Variants in WNK2 observed in about 807,000 individuals in gnomAD.
WNK2 encodes WNK lysine deficient protein kinase 2.
WNK2 carries 67 observed loss-of-function variants against 192.1 expected under a neutral mutation model. The observed-to-expected ratio is 0.35, with a 90% confidence interval of 0.29 to 0.43. The LOEUF (loss-of-function observed/expected upper bound fraction) is 0.43. Among genes scored for constraint, WNK2 ranks in the 20% least tolerant of loss-of-function variants. The probability of loss-of-function intolerance (pLI) is 1.00; values close to 1 mark genes in which losing one functional copy is unlikely to be tolerated. For missense variants in WNK2, 2,698 were observed against 3,089.7 expected (o/e 0.87, Z 3.01); for synonymous variants, 1,439 against 1,393.9 (o/e 1.03, Z -0.72).
rs1241980722 is a variant in WNK2, at chr9:93,184,260, G to T, written c.-128G>T. The stretch of plus-strand genomic sequence containing the variant: ...AGAGCAGCGCGCAGGAGCTGGAGCG[G>T]CGCCACGGCCCCCACCCCAGCGCGG... On this transcript the variant is annotated 5_prime_UTR_variant, in exon 1 of 30. Transcript: ENST00000427277. 6.6e-6 allele frequency among the ~76,000 whole-genome samples: 1 copy of T among 150,952 alleles called. No individual in the cohort carries two copies. Among genetic ancestry groups the T allele is most frequent in the African/African-American group, 2.4e-5 (1 of 41,298 alleles).
At chr9:93,307,024 C>T (rs933352563) in intron 27 of WNK2, 8 of 639,458 alleles carry the variant, frequency 1.3e-5, no homozygotes, top group East Asian at 5.4e-5. Flanking sequence ...TGTCTCGTGG[C>T]GCCTAGAGTT....
At chr9:93,283,448 T>C (rs1848017684) in intron 19 of WNK2, among the ~76,000 whole-genome samples, 1 of 152,088 alleles carries the variant, frequency 6.6e-6, no homozygotes, top group African/African-American at 2.4e-5. Context: ...TAATCAATAT[T>C]AGGGATGAAA....
At chr9:93,214,167 T>G (rs1835276065) in intron 2 of WNK2, among the ~76,000 whole-genome samples, 1 of 152,198 alleles carries the variant, frequency 6.6e-6, no homozygotes. Flanking sequence ...TTCCATTTAG[T>G]ACCCATTTGC....
chr9:93,203,415 TGAAA>T (rs1832826410), intron 2 of WNK2, among the ~76,000 whole-genome samples: 1 of 151,924 alleles, frequency 6.6e-6, no homozygotes, highest in African/African-American at 2.4e-5. Flanking sequence ...AGATTTTCAC[TGAAA>T]GAAAGAAAAA....
Position 93,230,915 on chromosome 9 carries a change from G to A in WNK2, c.882G>A (p.Lys294=), listed in dbSNP as rs1838693454. The A allele has an allele frequency of 6.2e-7, 1 of 1,613,624 alleles. No individual in the cohort carries two copies. The highest frequency in any genetic ancestry group is 8.5e-7 in the Non-Finnish European group (1 of 1,179,872). The change falls in exon 4 of 30, where the codon AAG becomes AAA. Residue 294 remains lysine, a synonymous_variant. Coordinates refer to ENST00000427277, the MANE Select transcript of WNK2 (RefSeq NM_006648.4). The stretch of plus-strand genomic sequence containing the variant: ...ACCTGAAGCGGTTCAAGGTGATGAA[G>A]CCCAAGGTTCTCCGCAGCTGGTGCC... ...KTYLKRFKVM[K]PKVLRSWCRQ...
intron 2 of WNK2, among the ~76,000 whole-genome samples, chr9:93,193,733 T>C (rs1241433282): frequency 1.3e-5 from 2 of 152,242 alleles, no homozygotes; most frequent in African/African-American, 2.4e-5. Flanking sequence ...GTTTTCCTGC[T>C]TCTGAGAGTT....
rs1250559226 is a variant in WNK2 at position 93,185,091 on chromosome 9, G to A, written c.162G>A (p.Pro54=). 3.0e-6 allele frequency: 4 copies of A among 1,314,412 alleles called. No homozygotes were observed. The highest frequency in any genetic ancestry group is 3.2e-5 in the Admixed American group (1 of 31,060). 81.4% of individuals were successfully genotyped at this position (1,314,412 alleles called of 1,614,324 possible). A position where few individuals can be genotyped will look rare whatever the true frequency, so the allele number is the denominator to read the frequency against. Residue 54 remains proline, a synonymous_variant, in exon 2 of 30, where the codon CCG becomes CCA. Coordinates refer to ENST00000427277, the MANE Select transcript of WNK2 (RefSeq NM_006648.4). ...RSVVESDQEE[P]PGLEAAEAPG... ...TGGTAGAGTCGGACCAGGAGGAGCC[G>A]CCGGGCTTGGAGGCAGCCGAGGCGC...
chr9:93,211,736 C>T (rs1563999835), intron 2 of WNK2, among the ~76,000 whole-genome samples: 1 of 152,122 alleles, frequency 6.6e-6, no homozygotes, highest in Non-Finnish European at 1.5e-5. Flanking sequence ...CTTACTCATC[C>T]AGTCACTCAT....
chr9:93,234,571 G>C (rs1482673111), intron 4 of WNK2, among the ~76,000 whole-genome samples: 1 of 152,226 alleles, frequency 6.6e-6, no homozygotes, highest in African/African-American at 2.4e-5. Flanking sequence ...TCTGTCACCT[G>C]ATTTCTAACC....
intron 28 of WNK2, 25 bp downstream of exon 28, chr9:93,308,609 G>T: frequency 3.7e-6 from 2 of 533,694 alleles, no homozygotes; most frequent in South Asian, 1.6e-5. Context: ...GGTGGGGCGG[G>T]TGCTCCTGGG....
intron 2 of WNK2, among the ~76,000 whole-genome samples, chr9:93,218,096 C>T (rs1341489204): frequency 6.6e-6 from 1 of 152,142 alleles, no homozygotes; most frequent in Non-Finnish European, 1.5e-5. Context: ...AGACCCTCAC[C>T]CACTGCCACC....
Position 93,292,923 on chromosome 9 carries a change from G to T in WNK2, c.5458G>T (p.Val1820Leu), listed in dbSNP as rs760690108. 1.3e-6 allele frequency: 2 copies of T among 1,528,482 alleles called. No individual in the cohort carries two copies. The highest frequency in any genetic ancestry group is 2.5e-5 in the South Asian group (2 of 79,468). 94.7% of individuals were successfully genotyped at this position (1,528,482 alleles called of 1,614,324 possible). ...GDEGPRARPP[V>L]QKQASLPVSG... The stretch of plus-strand genomic sequence containing the variant: ...CGAGGGCCCTCGGGCGAGACCCCCG[G>T]TGCAGAAGCAGGCGTCCCTGCCCGT... The change falls in exon 23 of 30, where the codon GTG becomes TTG. Residue 1820 changes from valine to leucine, a missense_variant. Transcript: ENST00000427277.
chr9:93,221,728 G>T lies in WNK2; in HGVS notation c.682-7968G>T, dbSNP rs146590859. On this transcript the variant is annotated intron_variant, in intron 2 of 29. Transcript: ENST00000427277. ...AGGAAACTAAGGAAAGCTAGATTCC[G>T]ATAGGAATGATGTGATGGCAGGGAA... Among the ~76,000 whole-genome samples the T allele has an allele frequency of 1.5e-3, 232 of 152,304 alleles. 2 individuals are homozygous for T. The highest frequency in any genetic ancestry group is 2.5e-3 in the Non-Finnish European group (168 of 68,032).
chr9:93,210,027 C>A (rs1834208624), intron 2 of WNK2, among the ~76,000 whole-genome samples: 1 of 152,074 alleles, frequency 6.6e-6, no homozygotes, highest in South Asian at 2.1e-4. Context: ...TTGGGGGTTC[C>A]CCTCTTTGGG....
chr9:93,184,564 G>T (rs758168405), intron 1 of WNK2, among the ~76,000 whole-genome samples, 179 bp downstream of exon 1: 1 of 152,124 alleles, frequency 6.6e-6, no homozygotes, highest in African/African-American at 2.4e-5. Context: ...AGCTGCCTCC[G>T]GGACAGCCTA....
At chr9:93,319,161 A>G (rs1564256468) in intron 29 of WNK2, 4 of 1,614,144 alleles carry the variant, frequency 2.5e-6, no homozygotes, top group Non-Finnish European at 3.4e-6. Flanking sequence ...CGGAATCCCC[A>G]ATAGATTGTA....
At chr9:93,184,846 G>A (rs1187530392) in intron 1 of WNK2, 82 bp from the exon 2 acceptor site, 2 of 1,153,110 alleles carry the variant, frequency 1.7e-6, no homozygotes, top group Non-Finnish European at 2.2e-6. Context: ...TGCGGGCTTA[G>A]GGCGGCGTTG....
chr9:93,208,277 C>T (rs1332438446), intron 2 of WNK2, among the ~76,000 whole-genome samples: 1 of 152,224 alleles, frequency 6.6e-6, no homozygotes, highest in Non-Finnish European at 1.5e-5. Flanking sequence ...CTGCCGCCCT[C>T]TCACTTTATA....
chr9:93,245,531 G>A (rs1331809663), intron 7 of WNK2, among the ~76,000 whole-genome samples: 3 of 152,222 alleles, frequency 2.0e-5, no homozygotes, highest in African/African-American at 4.8e-5. Context: ...AGCTTCACCC[G>A]CCAGTTAGGC....
Sources: gnomAD v4.1 joint callset for allele counts (sites outside exome capture counted in the v4.1 genomes callset) on GRCh38, gnomAD v4.1.1 for gene constraint, MANE v1.5 for transcripts, NCBI Gene and HGNC (gene_info 2026-07-23, HGNC 2026-07-21) for gene names.